FUS: variants seen among roughly 807,000 people sequenced by gnomAD.
The protein encoded by FUS is FUS RNA binding protein, also known as RNA-binding protein FUS.
In FUS, 5 loss-of-function variants were observed where a neutral mutation model predicts 82.7. That is an observed-to-expected ratio of 0.06 (90% CI 0.03 to 0.13). The LOEUF (loss-of-function observed/expected upper bound fraction) is 0.13. Among genes scored for constraint, FUS ranks in the 10% least tolerant of loss-of-function variants. The probability of loss-of-function intolerance (pLI) is 1.00; values close to 1 mark genes in which losing one functional copy is unlikely to be tolerated. For synonymous variants in FUS, 281 were observed against 247.4 expected, an observed-to-expected ratio of 1.14 and a Z score of -1.27; for missense variants, 512 against 707.8, an observed-to-expected ratio of 0.72 and a Z score of 3.14.
At chr16:31,187,109 C>G in intron 7 of FUS, 2 of 536,246 alleles carry the variant, frequency 3.7e-6, no homozygotes, top group Non-Finnish European at 6.7e-6. Context: ...GCCGTTGCCA[C>G]ACCTGGCACT....
chr16:31,194,837 A>G, downstream of FUS: 1 of 477,410 alleles, frequency 2.1e-6, no homozygotes, highest in South Asian at 1.5e-5. Context: ...AAAAATAAAA[A>G]CAAAAAATGA....
In FUS at chr16:31,185,107, G is replaced by T; in HGVS notation, c.692G>T (p.Gly231Val). ...SGGGGGGGGG[G>V]YNRSSGGYEP... is the part of the protein sequence containing the mutation. ...GGCGGCGGCGGCGGCGGCGGTGGTG[G>T]TTACAACCGCAGCAGTGGTGGCTAT... is the stretch of plus-strand genomic sequence containing the variant. Residue 231 changes from glycine (G) to valine (V), a missense_variant, in exon 6 of 15, where the codon GGT (glycine) becomes GTT (valine). This residue lies in a region of FUS where 276 missense variants were observed against 303.3 expected (regional missense o/e 0.91). Transcript: ENST00000254108. 2 of 1,608,938 alleles carry T rather than the reference G, an allele frequency of 1.2e-6. No homozygotes were observed. Among genetic ancestry groups the T allele is most frequent in the Non-Finnish European group, 1.7e-6 (2 of 1,177,958 alleles).
At chr16:31,186,341 A>G (rs1440313525) in intron 6 of FUS, 3 of 305,452 alleles carry the variant, frequency 9.8e-6, no homozygotes, top group Non-Finnish European at 1.9e-5. Flanking sequence ...TTGACTTTTT[A>G]TGGAATGGGG....
At chr16:31,192,338 T>G (rs1473889542), downstream of FUS, 1 of 526,814 alleles carries the variant, frequency 1.9e-6, no homozygotes, top group Admixed American at 2.2e-5. Context: ...CTTAGAGCAG[T>G]GCTCCTCAGC....
At chr16:31,194,575 GGAT>G (rs1399027799), downstream of FUS, 2 of 499,304 alleles carry the variant, frequency 4.0e-6, no homozygotes, top group Non-Finnish European at 3.9e-6. Context: ...CAGAGTGCTG[GGAT>G]TAAGGTGTGA....
rs763987571 is a variant in FUS at position 31,180,245 on chromosome 16, G to A, written c.13+18G>A. ...CTCAAACGGTAGGTAAGGGCGCGAG[G>A]CGACGGCGGCGGCGCACCCGGCCGA... On this transcript the variant is annotated intron_variant, in intron 1 of 14. Coordinates refer to ENST00000254108, the MANE Select transcript of FUS (RefSeq NM_004960.4). The A allele has an allele frequency of 1.8e-5, 29 of 1,606,902 alleles. No homozygotes were observed. The highest frequency in any genetic ancestry group is 2.5e-5 in the Non-Finnish European group (29 of 1,176,936).
chr16:31,187,860 A>C (rs2079293060), intron 7 of FUS: 1 of 247,158 alleles, frequency 4.0e-6, no homozygotes, highest in Non-Finnish European at 7.9e-6. Context: ...TCTAAAGATG[A>C]AATTAAAAAT....
chr16:31,190,591 T>A, intron 12 of FUS, 151 bp from the exon 13 acceptor site: 2 of 1,160,606 alleles, frequency 1.7e-6, no homozygotes, highest in Non-Finnish European at 2.6e-6. Context: ...GTAATACTGA[T>A]TTTTGTTCCT....
At chr16:31,182,097 T>G (rs2079187721) in intron 1 of FUS, 2 of 411,714 alleles carry the variant, frequency 4.9e-6, no homozygotes, top group South Asian at 4.3e-5. Context: ...TTCAAGCGAT[T>G]CTCCTGCTTC....
At chr16:31,189,003 T>C (rs980224933) in intron 8 of FUS, 120 bp from the exon 9 acceptor site, 11 of 773,378 alleles carry the variant, frequency 1.4e-5, no homozygotes, top group Non-Finnish European at 2.6e-5. Flanking sequence ...GATTTCTTTT[T>C]AGTTGTCTTC....
At chr16:31,184,166 C>T (rs1375272501) in intron 4 of FUS, 43 bp from the exon 5 acceptor site, 3 of 1,614,104 alleles carry the variant, frequency 1.9e-6, no homozygotes, top group Non-Finnish European at 2.5e-6. Flanking sequence ...AAATTGGGGG[C>T]TATGCTGGGA....
At chr16:31,188,818 A>C in intron 8 of FUS, 1 of 485,210 alleles carries the variant, frequency 2.1e-6, no homozygotes. Flanking sequence ...GGGACCTTCA[A>C]CTGAAAGTTG....
At chr16:31,188,032 C>T in intron 7 of FUS, 1 of 503,936 alleles carries the variant, frequency 2.0e-6, no homozygotes, top group South Asian at 2.3e-5. Context: ...CCCCTGCCAC[C>T]TGTGCTGAGG....
intron 3 of FUS, chr16:31,183,472 CAT>C (rs1596892478): frequency 1.7e-5 from 4 of 233,332 alleles, no homozygotes; most frequent in South Asian, 6.2e-5. Flanking sequence ...TGTATGAAAT[CAT>C]GTGATACATA....
chr16:31,191,377 ATTTTTTTT>A lies in FUS; in HGVS notation c.1542-12_1542-5del. 2.6e-6 allele frequency: 4 copies of A among 1,526,916 alleles called. No homozygotes were observed. In the South Asian group the frequency reaches 4.6e-5, roughly 18 times the overall value. 94.6% of individuals were successfully genotyped at this position (1,526,916 alleles called of 1,614,324 possible). On this transcript the variant is annotated splice_polypyrimidine_tract_variant and intron_variant, in intron 14 of 14. Transcript: ENST00000254108. The stretch of plus-strand genomic sequence containing the variant: ...GTAACTCAAATATAATGGATACTTA[ATTTTTTTT>A]TTTTTTTTTGCAGGGGTGAGCACAG...
intron 6 of FUS, 94 bp downstream of exon 6, chr16:31,185,273 A>G (rs1596898729): frequency 7.2e-7 from 1 of 1,391,908 alleles, no homozygotes; most frequent in Non-Finnish European, 9.7e-7. Context: ...ATGGTTTAGT[A>G]TTCTTGTTGT....
intron 8 of FUS, 78 bp downstream of exon 8, chr16:31,188,435 TA>T (rs1422718044): frequency 1.3e-6 from 2 of 1,501,352 alleles, no homozygotes; most frequent in African/African-American, 2.8e-5. Context: ...GAAACTATTA[TA>T]AAAAGGAAAC....
chr16:31,192,105 CCCTT>C (rs1231126710), downstream of FUS: 17 of 532,022 alleles, frequency 3.2e-5, no homozygotes, highest in East Asian at 1.6e-4. Context: ...GTGAGTGACT[CCCTT>C]CCTAGCTGCC....
chr16:31,183,495 A>G, intron 3 of FUS: 1 of 290,222 alleles, frequency 3.4e-6, no homozygotes, highest in Non-Finnish European at 6.7e-6. Context: ...AGGAGGTGGG[A>G]TTTGCCCCAA....
Sources: gnomAD v4.1 joint callset for allele counts on GRCh38, gnomAD v4.1.1 for gene constraint, gnomAD v4.1.1 regional missense constraint, MANE v1.5 for transcripts, NCBI Gene and HGNC (gene_info 2026-07-23, HGNC 2026-07-21) for gene names.